The following NTN1 variants were observed in gnomAD, a reference collection of about 807,000 sequenced individuals.
NTN1 encodes netrin 1.
Under a neutral mutation model 54.2 loss-of-function variants are expected in NTN1, and 11 were observed. That is an observed-to-expected ratio of 0.20 (90% CI 0.13 to 0.34). The LOEUF (loss-of-function observed/expected upper bound fraction) is 0.34, where lower values mean the gene tolerates loss of function less well. Ranked by LOEUF, NTN1 falls within the 10% of genes least tolerant of loss-of-function variation. NTN1 has a pLI of 1.00. For synonymous variants in NTN1, 371 were observed against 382.0 expected (o/e 0.97, Z 0.33); for missense variants, 740 against 893.1 (o/e 0.83, Z 2.18).
chr17:9,028,982 T>C lies in NTN1; in HGVS notation c.1018+5591T>C, dbSNP rs1348240305. ...AGGTGTTAATCATACCTTGGGTTTC[T>C]GTAGTGCCTTTCATTATAGGGAGAC... On this transcript the variant is annotated intron_variant, in intron 2 of 6. Transcript: ENST00000173229. Among the ~76,000 whole-genome samples the C allele has an allele frequency of 4.6e-5, 7 of 152,104 alleles. 1 individual carries two copies. Among genetic ancestry groups the C allele is most frequent in the Admixed American group, 4.6e-4 (7 of 15,274 alleles).
intron 2 of NTN1, among the ~76,000 whole-genome samples, chr17:9,100,566 G>T (rs571925307): frequency 1.3e-5 from 2 of 152,260 alleles, no homozygotes; most frequent in African/African-American, 4.8e-5. Context: ...CTCCCAAAGT[G>T]CTGGGATTCC....
intron 5 of NTN1, among the ~76,000 whole-genome samples, chr17:9,202,029 TAC>T (rs1200661283): frequency 0.014 from 366 of 26,842 alleles, 2 homozygotes; most frequent in East Asian, 0.056. Context: ...CTACTAAAAA[TAC>T]ACACACACAC....
chr17:9,068,198 C>A (rs1454460943), intron 2 of NTN1, among the ~76,000 whole-genome samples: 1 of 151,724 alleles, frequency 6.6e-6, no homozygotes, highest in Non-Finnish European at 1.5e-5. Flanking sequence ...TCTTTTTTTT[C>A]TGAGACAGAG....
At chr17:9,182,285 G>C (rs921972902) in intron 4 of NTN1, among the ~76,000 whole-genome samples, 1 of 152,234 alleles carries the variant, frequency 6.6e-6, no homozygotes, top group African/African-American at 2.4e-5. Context: ...CACCTGGCCA[G>C]AGTGCTATAT....
chr17:9,056,951 C>G (rs2091981216), intron 2 of NTN1, among the ~76,000 whole-genome samples: 1 of 152,080 alleles, frequency 6.6e-6, no homozygotes, highest in Non-Finnish European at 1.5e-5. Flanking sequence ...GCTGTGTGCC[C>G]CCCGTCTCGT....
chr17:9,167,276 T>A (rs2092376015), intron 3 of NTN1, among the ~76,000 whole-genome samples: 1 of 152,208 alleles, frequency 6.6e-6, no homozygotes, highest in Admixed American at 6.5e-5. Flanking sequence ...TTGTTTACCA[T>A]TTGTCTTCTT....
intron 2 of NTN1, among the ~76,000 whole-genome samples, chr17:9,026,901 T>C (rs1292358459): frequency 7.1e-6 from 1 of 140,254 alleles, no homozygotes; most frequent in Non-Finnish European, 1.6e-5. Context: ...TGCTCAGCTG[T>C]AACCCAAAAC....
chr17:9,054,292 ACT>A (rs1238927592), intron 2 of NTN1, among the ~76,000 whole-genome samples: 3 of 152,292 alleles, frequency 2.0e-5, no homozygotes, highest in African/African-American at 7.2e-5. Context: ...CGAGATGTTA[ACT>A]TCAGGAGGAA....
chr17:9,129,785 T>C (rs2092258646), intron 2 of NTN1, among the ~76,000 whole-genome samples: 1 of 152,168 alleles, frequency 6.6e-6, no homozygotes, highest in Non-Finnish European at 1.5e-5. Flanking sequence ...TGTGAGCATG[T>C]GTGTGCAGCC....
chr17:9,223,536 G>A (rs1400240937), intron 6 of NTN1, among the ~76,000 whole-genome samples: 4 of 150,128 alleles, frequency 2.7e-5, no homozygotes, highest in Admixed American at 1.3e-4. Flanking sequence ...TGGCCTGGGC[G>A]ACAGAGTGAG....
At chr17:9,152,250 A>G (rs1456504626) in intron 2 of NTN1, among the ~76,000 whole-genome samples, 1 of 151,756 alleles carries the variant, frequency 6.6e-6, no homozygotes, top group Non-Finnish European at 1.5e-5. Flanking sequence ...GCAGGAACCA[A>G]CTCTGGACAC....
rs569111967 is a variant in NTN1, at chr17:9,037,494, A to G, written c.1018+14103A>G. The stretch of plus-strand genomic sequence containing the variant: ...CCCCTATCCATATGATTTTGCATTA[A>G]TTCTGCCAGACATTCTAGAGGTATC... On this transcript the variant is annotated intron_variant, in intron 2 of 6. Coordinates refer to ENST00000173229, the MANE Select transcript of NTN1 (RefSeq NM_004822.3). 2.0e-5 allele frequency among the ~76,000 whole-genome samples: 3 copies of G among 152,304 alleles called. No homozygotes were observed. The East Asian group carries it at 5.8e-4, about 29-fold the overall frequency.
At position 9,070,862 on chromosome 17, in the gene NTN1, G is replaced by A. The variant is rs34062542; in HGVS notation, c.1018+47471G>A. On this transcript the variant is annotated intron_variant, in intron 2 of 6. Coordinates refer to ENST00000173229, the MANE Select transcript of NTN1 (RefSeq NM_004822.3). ...CCGCCTCCGCCTCCCAAAGTGCTGG[G>A]ATTACAGGCATGAGCCACCGCACCC... is the stretch of plus-strand genomic sequence containing the variant. Among the ~76,000 whole-genome samples, 625 of 151,764 alleles carry A rather than the reference G, an allele frequency of 4.1e-3. 2 individuals carry two copies. Among genetic ancestry groups the A allele is most frequent in the South Asian group, 0.022 (107 of 4,794 alleles).
At chr17:9,098,186 G>A (rs772496563) in intron 2 of NTN1, among the ~76,000 whole-genome samples, 37 of 152,178 alleles carry the variant, frequency 2.4e-4, no homozygotes, top group Non-Finnish European at 4.6e-4. Context: ...TCCCATGCCC[G>A]TTCCCAGACA....
At chr17:9,214,157 T>G (rs528372071) in intron 5 of NTN1, among the ~76,000 whole-genome samples, 1 of 152,332 alleles carries the variant, frequency 6.6e-6, no homozygotes, top group East Asian at 1.9e-4. Flanking sequence ...TTGCTCATTT[T>G]CTAGCTTCTA....
chr17:9,073,293 G>T (rs1278135294), intron 2 of NTN1, among the ~76,000 whole-genome samples: 1 of 152,226 alleles, frequency 6.6e-6, no homozygotes, highest in Non-Finnish European at 1.5e-5. Flanking sequence ...GAAGGTGGGT[G>T]CAAGGTGATT....
intron 6 of NTN1, among the ~76,000 whole-genome samples, chr17:9,229,587 G>A (rs1049155603): frequency 2.6e-5 from 4 of 152,298 alleles, no homozygotes; most frequent in African/African-American, 9.6e-5. Context: ...CCCCATCGGG[G>A]CCACTGACTC....
intron 2 of NTN1, among the ~76,000 whole-genome samples, chr17:9,080,771 G>A (rs1567705584): frequency 6.6e-6 from 1 of 152,294 alleles, no homozygotes; most frequent in East Asian, 1.9e-4. Flanking sequence ...AATCAGTCAT[G>A]CCTGTGTAAT....
At chr17:9,150,946 G>A (rs1326793429) in intron 2 of NTN1, among the ~76,000 whole-genome samples, 2 of 152,184 alleles carry the variant, frequency 1.3e-5, no homozygotes, top group Admixed American at 1.3e-4. Flanking sequence ...CCGTGACCCC[G>A]GTATCCTTAA....
Sources: allele counts gnomAD v4.1 joint callset (sites outside exome capture counted in the v4.1 genomes callset), GRCh38; gene constraint gnomAD v4.1.1; transcripts MANE v1.5; gene names NCBI Gene and HGNC (gene_info 2026-07-23, HGNC 2026-07-21).